ATP6V1F: variants seen among roughly 807,000 people sequenced by gnomAD.
ATP6V1F encodes ATPase H+ transporting V1 subunit F.
ATP6V1F carries 4 observed loss-of-function variants against 6.6 expected under a neutral mutation model. The ratio of observed to expected loss-of-function variants is 0.60; its 90% CI spans 0.30 to 1.38. ATP6V1F has a LOEUF of 1.38. Ranked by LOEUF, ATP6V1F falls within the 40% of genes most tolerant of loss-of-function variation. The pLI, the probability that ATP6V1F is intolerant of heterozygous loss-of-function variation, is 0.08. For missense variants in ATP6V1F, 136 were observed against 165.5 expected (o/e 0.82, Z 0.98); for synonymous variants, 68 against 66.9 (o/e 1.02, Z -0.08).
At chr7:128,863,865 A>G (rs1809325390) in intron 1 of ATP6V1F, among the ~76,000 whole-genome samples, 1 of 152,186 alleles carries the variant, frequency 6.6e-6, no homozygotes. Flanking sequence ...GTAGTCCCTG[A>G]CCTGGGAGGC....
Position 128,862,994 on chromosome 7 carries a change from G to A in ATP6V1F, c.90G>A (p.Lys30=). The A allele has an allele frequency of 6.2e-7, 1 of 1,613,708 alleles. No homozygotes were observed. Among genetic ancestry groups the A allele is most frequent in the Non-Finnish European group, 8.5e-7 (1 of 1,179,814 alleles). ...FLLGGIGELN[K]NRHPNFLVVE... Reference sequence around the variant, plus strand: ...TGGGCGGCATAGGGGAGCTTAACAAGAACCGCCATCCCAATTTCCTGGTGG... The same window carrying A: ...TGGGCGGCATAGGGGAGCTTAACAAAAACCGCCATCCCAATTTCCTGGTGG... The change falls in exon 1 of 2, where the codon AAG becomes AAA. Residue 30 remains lysine, a synonymous_variant. Coordinates refer to ENST00000249289, the MANE Select transcript of ATP6V1F (RefSeq NM_004231.4).
chr7:128,865,569 C>A lies in ATP6V1F; in HGVS notation c.351C>A (p.Asp117Glu), dbSNP rs1809376478. The A allele has an allele frequency of 9.3e-6, 15 of 1,613,642 alleles. No homozygotes were observed. Among genetic ancestry groups the A allele is most frequent in the Non-Finnish European group, 1.3e-5 (15 of 1,179,928 alleles). ...RRARGMFTAE[D>E]LR is the part of the protein sequence containing the mutation. ...CCAGGGGCATGTTCACTGCCGAAGA[C>A]CTGCGCTAGGGGACTCCTCATAGCC... The change falls in exon 2 of 2, where the codon GAC becomes GAA. Residue 117 changes from aspartate to glutamate, a missense_variant. Asp to Glu is a conservative substitution (Grantham distance 45). Transcript: ENST00000249289. The surrounding 1 kb of genome is among the most constrained non-coding windows in gnomAD (Gnocchi z 4.4).
Position 128,865,414 on chromosome 7 carries a change from A to T in ATP6V1F, c.196A>T (p.Ile66Phe). Residue 66 changes from isoleucine (I) to phenylalanine (F), a missense_variant, in exon 2 of 2, where the codon ATC (isoleucine) becomes TTC (phenylalanine). Coordinates refer to ENST00000249289, the MANE Select transcript of ATP6V1F (RefSeq NM_004231.4). This position sits in a 1 kb window ranked among gnomAD's most constrained non-coding sequence, Gnocchi z 4.4. ...CCGGGATGACATTGGCATCATCCTC[A>T]TCAACCAGTACATCGCAGAGATGGT... ...LNRDDIGIIL[I>F]NQYIAEMVRH... The T allele has an allele frequency of 1.2e-6, 2 of 1,614,146 alleles. No homozygotes were observed. Among genetic ancestry groups the T allele is most frequent in the Non-Finnish European group, 1.7e-6 (2 of 1,180,022 alleles).
Position 128,865,391 on chromosome 7 carries a change from G to T in ATP6V1F, c.173G>T (p.Arg58Leu), listed in dbSNP as rs758574710. The T allele has an allele frequency of 1.2e-6, 2 of 1,613,954 alleles. No homozygotes were observed. The highest frequency in any genetic ancestry group is 1.7e-6 in the Non-Finnish European group (2 of 1,180,038). The change falls in exon 2 of 2, where the codon CGG (arginine) becomes CTG (leucine). Residue 58 changes from arginine to leucine, a missense_variant. Transcript: ENST00000249289. The surrounding 1 kb of genome is among the most constrained non-coding windows in gnomAD (Gnocchi z 4.4). ...TCTCCCCACAGGCAATTTCTAAACC[G>T]GGATGACATTGGCATCATCCTCATC... ...IEDTFRQFLN[R>L]DDIGIILINQ... is the part of the protein sequence containing the mutation.
chr7:128,865,257 C>A lies in ATP6V1F; in HGVS notation c.159-120C>A. ...AGCCTTTCCCCTTGTCCTCTGTGCC[C>A]TCTGGGTCATGCTCATTCCCCTCCA... is the stretch of plus-strand genomic sequence containing the variant. On this transcript the variant is annotated intron_variant, in intron 1 of 1. Coordinates refer to ENST00000249289, the MANE Select transcript of ATP6V1F (RefSeq NM_004231.4). The surrounding 1 kb of genome is among the most constrained non-coding windows in gnomAD (Gnocchi z 4.4). The A allele has an allele frequency of 6.4e-7, 1 of 1,557,504 alleles. No individual in the cohort carries two copies. The highest frequency in any genetic ancestry group is 1.2e-5 in the South Asian group (1 of 85,862).
At chr7:128,863,175 C>A in intron 1 of ATP6V1F, 113 bp downstream of exon 1, 1 of 1,367,972 alleles carries the variant, frequency 7.3e-7, no homozygotes, top group East Asian at 2.6e-5. Context: ...GTCCTTCCGC[C>A]CTTCCGGAGC....
At chr7:128,863,304 TG>T (rs1301975661) in intron 1 of ATP6V1F, among the ~76,000 whole-genome samples, 1 of 152,194 alleles carries the variant, frequency 6.6e-6, no homozygotes, top group Non-Finnish European at 1.5e-5. Flanking sequence ...ACAGAGCTCG[TG>T]ACAGCCTAGA....
intron 1 of ATP6V1F, among the ~76,000 whole-genome samples, chr7:128,863,434 G>A (rs1396598390): frequency 4.6e-5 from 7 of 152,182 alleles, no homozygotes; most frequent in Non-Finnish European, 8.8e-5. Flanking sequence ...GAGAGGGTAA[G>A]GCACACACTA....
chr7:128,865,337 C>T lies in ATP6V1F; in HGVS notation c.159-40C>T. 6.2e-7 allele frequency: 1 copy of T among 1,609,980 alleles called. No individual in the cohort carries two copies. The highest frequency in any genetic ancestry group is 1.1e-5 in the South Asian group (1 of 90,846). ...GCCTGGGTAGGAGAGACGGCAGCCC[C>T]CAGAGCTGTCCTGGACTCCCTTCTC... is the stretch of plus-strand genomic sequence containing the variant. On this transcript the variant is annotated intron_variant, in intron 1 of 1. Transcript: ENST00000249289. The surrounding 1 kb of genome is among the most constrained non-coding windows in gnomAD (Gnocchi z 4.4).
intron 1 of ATP6V1F, among the ~76,000 whole-genome samples, chr7:128,864,174 T>C (rs1411559783): frequency 6.6e-6 from 1 of 152,094 alleles, no homozygotes; most frequent in Non-Finnish European, 1.5e-5. Flanking sequence ...TGAAACCCCA[T>C]TTCTACTAAA....
chr7:128,865,307 G>C lies in ATP6V1F; in HGVS notation c.159-70G>C, dbSNP rs1809366120. ...ACAGCCCAGCCCAACAACTCGGAGAGGGCTGCCTGGGTAGGAGAGACGGCA... is the reference window on the plus strand; with the variant it reads ...ACAGCCCAGCCCAACAACTCGGAGACGGCTGCCTGGGTAGGAGAGACGGCA... On this transcript the variant is annotated intron_variant, in intron 1 of 1. Transcript: ENST00000249289. This position sits in a 1 kb window ranked among gnomAD's most constrained non-coding sequence, Gnocchi z 4.4. 2 of 1,599,326 alleles carry C rather than the reference G, an allele frequency of 1.3e-6. No individual in the cohort carries two copies. Among genetic ancestry groups the C allele is most frequent in the Non-Finnish European group, 1.7e-6 (2 of 1,169,394 alleles).
chr7:128,865,329 G>A lies in ATP6V1F; in HGVS notation c.159-48G>A, dbSNP rs1340210754. The A allele has an allele frequency of 1.4e-5, 23 of 1,607,070 alleles. No homozygotes were observed. Among genetic ancestry groups the A allele is most frequent in the Admixed American group, 3.3e-5 (2 of 59,852 alleles). ...AGAGGGCTGCCTGGGTAGGAGAGAC[G>A]GCAGCCCCCAGAGCTGTCCTGGACT... On this transcript the variant is annotated intron_variant, in intron 1 of 1. Transcript: ENST00000249289. This position sits in a 1 kb window ranked among gnomAD's most constrained non-coding sequence, Gnocchi z 4.4.
In ATP6V1F at chr7:128,864,860, G is replaced by T. The variant is rs891825636; in HGVS notation, c.159-517G>T. ...CCATTTTTTTGTGTGTGTATATATA[G>T]ATAGAGAGAGAGAGAGAGAGAGAGG... On this transcript the variant is annotated intron_variant, in intron 1 of 1. Coordinates refer to ENST00000249289, the MANE Select transcript of ATP6V1F (RefSeq NM_004231.4). The T allele has an allele frequency of 5.3e-5, 23 of 432,892 alleles. No homozygotes were observed. In the East Asian group the frequency reaches 6.6e-4, roughly 12 times the overall value. The allele number at this position is 432,892 out of a possible 1,614,324, so 26.8% of individuals were successfully genotyped here.
intron 1 of ATP6V1F, 86 bp downstream of exon 1, chr7:128,863,148 A>T: frequency 1.3e-6 from 2 of 1,488,336 alleles, no homozygotes; most frequent in Non-Finnish European, 1.8e-6. Flanking sequence ...GACGGGGGTG[A>T]GGGGACGATC....
chr7:128,862,922 G>A lies in ATP6V1F; in HGVS notation c.18G>A (p.Lys6=). MAGRG[K]LIAVIGDEDT... The stretch of plus-strand genomic sequence containing the variant: ...CTGCAGGGATGGCGGGGAGGGGTAA[G>A]CTCATCGCAGTGATCGGAGACGAGG... The change falls in exon 1 of 2, where the codon AAG becomes AAA. Residue 6 remains lysine (K), a synonymous_variant. Transcript: ENST00000249289. The A allele has an allele frequency of 1.9e-6, 3 of 1,610,162 alleles. No individual in the cohort carries two copies. Among genetic ancestry groups the A allele is most frequent in the Non-Finnish European group, 2.5e-6 (3 of 1,178,206 alleles).
At position 128,865,018 on chromosome 7, in the gene ATP6V1F, T is replaced by A; in HGVS notation, c.159-359T>A. On this transcript the variant is annotated intron_variant, in intron 1 of 1. Transcript: ENST00000249289. This position sits in a 1 kb window ranked among gnomAD's most constrained non-coding sequence, Gnocchi z 4.4. ...ACAGCTGGCCTTCAGTATCTGCACA[T>A]AAAAAGGGATCTGCATACATATAAT... The A allele has an allele frequency of 9.6e-7, 1 of 1,045,112 alleles. No homozygotes were observed. Among genetic ancestry groups the A allele is most frequent in the Non-Finnish European group, 1.4e-6 (1 of 703,468 alleles). 64.7% of individuals were successfully genotyped at this position (1,045,112 alleles called of 1,614,324 possible). A position where few individuals can be genotyped will look rare whatever the true frequency, so the allele number is the denominator to read the frequency against.
In ATP6V1F at chr7:128,864,866, G is replaced by T. The variant is rs56381506; in HGVS notation, c.159-511G>T. 246 of 339,170 alleles carry T rather than the reference G, an allele frequency of 7.3e-4. 1 individual carries two copies. Among genetic ancestry groups the T allele is most frequent in the Middle Eastern group, 2.7e-3 (3 of 1,122 alleles). The allele number at this position is 339,170 out of a possible 1,614,324, so 21.0% of individuals were successfully genotyped here. A position where few individuals can be genotyped will look rare whatever the true frequency, so the allele number is the denominator to read the frequency against. ...TTTTGTGTGTGTATATATAGATAGA[G>T]AGAGAGAGAGAGAGAGAGGGAGATG... On this transcript the variant is annotated intron_variant, in intron 1 of 1. Coordinates refer to ENST00000249289, the MANE Select transcript of ATP6V1F (RefSeq NM_004231.4).
At chr7:128,863,387 T>A (rs578113630) in intron 1 of ATP6V1F, among the ~76,000 whole-genome samples, 122 of 152,336 alleles carry the variant, frequency 8.0e-4, no homozygotes, top group South Asian at 2.5e-3. Flanking sequence ...GCAGGGATGA[T>A]TTTTGTCCTA....
intron 1 of ATP6V1F, among the ~76,000 whole-genome samples, 172 bp downstream of exon 1, chr7:128,863,234 G>T (rs892155175): frequency 6.6e-6 from 1 of 152,042 alleles, no homozygotes; most frequent in Non-Finnish European, 1.5e-5. Context: ...TGGGACAGAA[G>T]CTGTATCAGG....
Sources: gnomAD v4.1 joint callset for allele counts (sites outside exome capture counted in the v4.1 genomes callset) on GRCh38, gnomAD v4.1.1 for gene constraint, Gnocchi (gnomAD v3.1) non-coding constraint, MANE v1.5 for transcripts, NCBI Gene and HGNC (gene_info 2026-07-23, HGNC 2026-07-21) for gene names.